The following L3MBTL1 variants were observed in gnomAD, a reference collection of about 807,000 sequenced individuals.
L3MBTL1 encodes L3MBTL histone methyl-lysine binding protein 1.
L3MBTL1 carries 75 observed loss-of-function variants against 105.3 expected under a neutral mutation model. The observed-to-expected ratio is 0.71, with a 90% CI of 0.59 to 0.86. The LOEUF (loss-of-function observed/expected upper bound fraction) is 0.86. L3MBTL1 is among the 40% of genes least tolerant of loss of function. L3MBTL1 has a pLI of 0.00. For missense variants in L3MBTL1, 1,069 were observed against 1,126.4 expected (o/e 0.95, Z 0.73); for synonymous variants, 452 against 436.2 (o/e 1.04, Z -0.45).
intron 19 of L3MBTL1, among the ~76,000 whole-genome samples, chr20:43,537,614 G>A (rs1379000817): frequency 2.0e-5 from 3 of 152,198 alleles, no homozygotes; most frequent in Non-Finnish European, 4.4e-5. Context: ...ATACTTCAGC[G>A]GGAGGGGCAT....
intron 7 of L3MBTL1, among the ~76,000 whole-genome samples, chr20:43,516,653 C>A (rs2018407065): frequency 6.6e-6 from 1 of 152,184 alleles, no homozygotes; most frequent in Non-Finnish European, 1.5e-5. Context: ...TCCCACATGA[C>A]AACTGTCAAC....
chr20:43,507,787 G>A (rs974281172), intron 1 of L3MBTL1, 43 bp downstream of exon 1: 1 of 152,166 alleles, frequency 6.6e-6, no homozygotes, highest in Non-Finnish European at 1.5e-5. Flanking sequence ...TGCGTCCCCT[G>A]GGCGCCGCGC....
intron 1 of L3MBTL1, among the ~76,000 whole-genome samples, chr20:43,509,945 C>T (rs887547487): frequency 5.9e-5 from 9 of 152,144 alleles, no homozygotes; most frequent in East Asian, 1.9e-4. Context: ...CTCACTGCAA[C>T]CTCCACCTCC....
At chr20:43,527,319 G>A (rs971003005) in intron 7 of L3MBTL1, among the ~76,000 whole-genome samples, 10 of 152,220 alleles carry the variant, frequency 6.6e-5, no homozygotes, top group Non-Finnish European at 1.0e-4. Context: ...GAGTTGTTAC[G>A]TCTTTAGTTG....
intron 9 of L3MBTL1, 23 bp downstream of exon 9, chr20:43,529,391 C>A (rs573366348): frequency 1.3e-6 from 2 of 1,513,062 alleles, no homozygotes; most frequent in African/African-American, 1.4e-5. Context: ...TTGGTACCAC[C>A]TTTCTGATGA....
intron 11 of L3MBTL1, 94 bp from the exon 12 acceptor site, chr20:43,532,679 T>C: frequency 7.3e-7 from 1 of 1,365,942 alleles, no homozygotes; most frequent in Admixed American, 2.1e-5. Context: ...ACCCCAGGCT[T>C]TCCTAGAGAA....
downstream of L3MBTL1, among the ~76,000 whole-genome samples, chr20:43,543,412 C>T (rs1418955322): frequency 2.0e-5 from 3 of 152,190 alleles, no homozygotes; most frequent in East Asian, 5.8e-4. Flanking sequence ...CATCCTCCAG[C>T]CTATGCTTGG....
chr20:43,530,780 G>A lies in L3MBTL1; in HGVS notation c.1193-18G>A. 2 of 1,612,348 alleles carry A rather than the reference G, an allele frequency of 1.2e-6. No individual in the cohort carries two copies. Among genetic ancestry groups the A allele is most frequent in the South Asian group, 2.2e-5 (2 of 91,040 alleles). On this transcript the variant is annotated intron_variant, in intron 10 of 21. Coordinates refer to ENST00000418998, the MANE Select transcript of L3MBTL1 (RefSeq NM_001377303.1). Reference sequence around the variant, plus strand: ...AGCCTCTGCACGGCGCTCTGTTCATGCCCCTCGAGGGGCCTAGGTTACAAG... The same window carrying A: ...AGCCTCTGCACGGCGCTCTGTTCATACCCCTCGAGGGGCCTAGGTTACAAG...
At chr20:43,532,972 G>A (rs1249025485) in intron 12 of L3MBTL1, 48 bp downstream of exon 12, 2 of 1,598,124 alleles carry the variant, frequency 1.3e-6, no homozygotes, top group South Asian at 2.2e-5. Context: ...GGGATGGCAG[G>A]GGGCAACTGC....
intron 19 of L3MBTL1, among the ~76,000 whole-genome samples, chr20:43,538,209 CTT>C (rs2019728307): frequency 6.6e-6 from 1 of 152,186 alleles, no homozygotes; most frequent in African/African-American, 2.4e-5. Context: ...GTGGGCACCT[CTT>C]GTACCCATCT....
At chr20:43,546,486 G>A (rs147676867), downstream of L3MBTL1, among the ~76,000 whole-genome samples, 190 of 152,336 alleles carry the variant, frequency 1.2e-3, 2 homozygotes, top group Middle Eastern at 0.01. Context: ...TAGGGTTATT[G>A]TGAGGATTAA....
At chr20:43,516,031 A>G (rs1235291728) in intron 6 of L3MBTL1, 62 bp from the exon 7 acceptor site, 1 of 1,301,570 alleles carries the variant, frequency 7.7e-7, no homozygotes, top group East Asian at 2.3e-5. Flanking sequence ...CCAGGATCAG[A>G]CCCTAGGGCT....
chr20:43,541,384 A>G lies in L3MBTL1; in HGVS notation c.*256A>G, dbSNP rs571205855. On this transcript the variant is annotated 3_prime_UTR_variant, in exon 22 of 22. Transcript: ENST00000418998. ...TGTAAAATGGAGATAAAATGGGTTT[A>G]ATGAGGTCTACCTTGCAGAGCCATT... 2 of 538,488 alleles carry G rather than the reference A, an allele frequency of 3.7e-6. No individual in the cohort carries two copies. The highest frequency in any genetic ancestry group is 3.4e-5 in the Admixed American group (1 of 29,182). 33.4% of individuals were successfully genotyped at this position (538,488 alleles called of 1,614,324 possible). A position where few individuals can be genotyped will look rare whatever the true frequency, so the allele number is the denominator to read the frequency against.
chr20:43,515,520 A>G (rs1463763836), intron 6 of L3MBTL1, 105 bp downstream of exon 6: 1 of 1,397,006 alleles, frequency 7.2e-7, no homozygotes, highest in Non-Finnish European at 9.7e-7. Context: ...CAGAGAAGAC[A>G]CGCATAATGA....
At chr20:43,517,716 G>C (rs1230326270) in intron 7 of L3MBTL1, among the ~76,000 whole-genome samples, 1 of 152,202 alleles carries the variant, frequency 6.6e-6, no homozygotes, top group Non-Finnish European at 1.5e-5. Context: ...TGGCTTAGTT[G>C]CCTCAGTCAC....
intron 6 of L3MBTL1, 156 bp downstream of exon 6, chr20:43,515,571 C>A: frequency 1.1e-6 from 1 of 870,440 alleles, no homozygotes. Flanking sequence ...GAGTTAGGTC[C>A]TATACCTGGT....
intron 1 of L3MBTL1, among the ~76,000 whole-genome samples, chr20:43,511,371 G>T (rs2018130671): frequency 1.3e-5 from 2 of 152,216 alleles, no homozygotes; most frequent in Admixed American, 6.5e-5. Context: ...ATCAAACACA[G>T]AAATAAATAA....
chr20:43,517,528 G>A (rs2018465697), intron 7 of L3MBTL1, among the ~76,000 whole-genome samples: 1 of 152,228 alleles, frequency 6.6e-6, no homozygotes, highest in African/African-American at 2.4e-5. Flanking sequence ...CCAGCCTCCT[G>A]AGTAGCAGTG....
Position 43,535,907 on chromosome 20 carries a change from T to A in L3MBTL1, c.1896T>A (p.Thr632=). The A allele has an allele frequency of 6.2e-7, 1 of 1,613,472 alleles. No individual in the cohort carries two copies. Among genetic ancestry groups the A allele is most frequent in the South Asian group, 1.1e-5 (1 of 90,948 alleles). Residue 632 remains threonine, a synonymous_variant, in exon 17 of 22, where the codon ACT becomes ACA. Coordinates refer to ENST00000418998, the MANE Select transcript of L3MBTL1 (RefSeq NM_001377303.1). ...PPLSYRSLPH[T]RTSKYSFHHR... is the part of the protein sequence containing the mutation. ...TCAGCTATAGGAGCCTGCCCCACAC[T>A]AGGACCTCCAAATACAGCTTTCACC...
Sources: gnomAD v4.1 joint callset for allele counts (sites outside exome capture counted in the v4.1 genomes callset) on GRCh38, gnomAD v4.1.1 for gene constraint, MANE v1.5 for transcripts, NCBI Gene and HGNC (gene_info 2026-07-23, HGNC 2026-07-21) for gene names.